TDRD12: variants seen among roughly 807,000 people sequenced by gnomAD.
TDRD12 encodes the protein tudor domain containing 12, also known as putative ATP-dependent RNA helicase TDRD12.
TDRD12 carries 158 observed loss-of-function variants against 133.5 expected under a neutral mutation model. The observed-to-expected ratio is 1.18, with a 90% CI of 1.04 to 1.35. The LOEUF is 1.35. Ranked by LOEUF, TDRD12 falls within the 40% of genes most tolerant of loss-of-function variation. The pLI, the probability that TDRD12 is intolerant of heterozygous loss-of-function variation, is 0.00. For synonymous variants in TDRD12, 460 were observed against 477.9 expected, an observed-to-expected ratio of 0.96 and a Z score of 0.49; for missense variants, 1,443 against 1,321.3, an observed-to-expected ratio of 1.09 and a Z score of -1.43.
chr19:32,777,225 G>A lies in TDRD12; in HGVS notation c.1117G>A (p.Val373Met), dbSNP rs1398520077. The change falls in exon 11 of 28, where the codon GTG (valine) becomes ATG (methionine). Residue 373 changes from valine (V) to methionine (M), a missense_variant. Physicochemically the swap from Val to Met is conservative, Grantham distance 21. Transcript: ENST00000444215. ...AGAATATGATGAGAAGAATAGCTGT[G>A]TGAAGTAAGAATTTTTTCCTTGGCC... 4 of 1,522,178 alleles carry A rather than the reference G, an allele frequency of 2.6e-6. No individual in the cohort carries two copies. The African/African-American group carries it at 5.6e-5, about 21-fold the overall frequency. The allele number at this position is 1,522,178 out of a possible 1,614,324, so 94.3% of individuals were successfully genotyped here. A position where few individuals can be genotyped will look rare whatever the true frequency, so the allele number is the denominator to read the frequency against.
chr19:32,729,492 C>CA (rs1968972668), intron 1 of TDRD12, among the ~76,000 whole-genome samples: 1 of 151,786 alleles, frequency 6.6e-6, no homozygotes, highest in South Asian at 2.1e-4. Context: ...GCTGGGATTA[C>CA]AGGCATGAGC....
At chr19:32,817,863 A>G (rs1243302643) in intron 26 of TDRD12, among the ~76,000 whole-genome samples, 1 of 148,356 alleles carries the variant, frequency 6.7e-6, no homozygotes, top group African/African-American at 2.5e-5. Context: ...CTGCTTTTGA[A>G]CATCCTAATT....
At chr19:32,807,720 C>A in intron 22 of TDRD12, 72 bp downstream of exon 22, 3 of 1,152,160 alleles carry the variant, frequency 2.6e-6, no homozygotes, top group South Asian at 1.5e-5. Flanking sequence ...ATTTGTTAAG[C>A]AGGATCTTAG....
At chr19:32,731,203 A>AT (rs954569927) in intron 1 of TDRD12, among the ~76,000 whole-genome samples, 32 of 151,836 alleles carry the variant, frequency 2.1e-4, no homozygotes, top group South Asian at 4.2e-4. Context: ...TGCCATTATT[A>AT]TTTTTTTTAT....
intron 11 of TDRD12, among the ~76,000 whole-genome samples, chr19:32,780,482 C>G (rs528997366): frequency 2.0e-5 from 3 of 152,330 alleles, no homozygotes; most frequent in Non-Finnish European, 4.4e-5. Context: ...ACACAAACTG[C>G]TGAGTCCAGG....
chr19:32,742,035 A>G (rs558743953), intron 3 of TDRD12, among the ~76,000 whole-genome samples: 3 of 152,344 alleles, frequency 2.0e-5, no homozygotes, highest in African/African-American at 7.2e-5. Context: ...GTTCATTTAC[A>G]GAAACTTTTA....
At chr19:32,734,448 G>A (rs1969163346) in intron 2 of TDRD12, among the ~76,000 whole-genome samples, 1 of 150,800 alleles carries the variant, frequency 6.6e-6, no homozygotes, top group Non-Finnish European at 1.5e-5. Flanking sequence ...TCGGCTCACT[G>A]CAACCTCCGC....
chr19:32,748,602 G>A, intron 5 of TDRD12, 71 bp downstream of exon 5: 1 of 1,477,248 alleles, frequency 6.8e-7, no homozygotes, highest in Non-Finnish European at 9.1e-7. Flanking sequence ...TCTGCTGCTG[G>A]CGGGGGTTGG....
rs1247207175 is a variant in TDRD12 at position 32,808,631 on chromosome 19, C to T, written c.2652+983C>T. Among the ~76,000 whole-genome samples the T allele has an allele frequency of 2.0e-5, 3 of 152,226 alleles. No homozygotes were observed. The East Asian group carries it at 5.8e-4, about 29-fold the overall frequency. On this transcript the variant is annotated intron_variant, in intron 22 of 27. Coordinates refer to ENST00000444215, the Ensembl canonical transcript of TDRD12. Reference sequence around the variant, plus strand: ...CCCTGTTTTCAAGTCAGGTCAAAGTCACAGTGAGCTTGGGGGTTAGGACAT... The same window carrying T: ...CCCTGTTTTCAAGTCAGGTCAAAGTTACAGTGAGCTTGGGGGTTAGGACAT...
At chr19:32,818,766 G>T (rs1355150782) in intron 27 of TDRD12, among the ~76,000 whole-genome samples, 1 of 152,138 alleles carries the variant, frequency 6.6e-6, no homozygotes, top group Non-Finnish European at 1.5e-5. Context: ...GTGGAGGGAA[G>T]CCTGGAGAGG....
rs1293141498 is a variant in TDRD12 at position 32,800,588 on chromosome 19, G to A, written c.1951-56G>A. 4.1e-6 allele frequency: 6 copies of A among 1,446,010 alleles called. No homozygotes were observed. In the East Asian group the frequency reaches 1.3e-4, roughly 31 times the overall value. The allele number at this position is 1,446,010 out of a possible 1,614,324, so 89.6% of individuals were successfully genotyped here. A position where few individuals can be genotyped will look rare whatever the true frequency, so the allele number is the denominator to read the frequency against. On this transcript the variant is annotated intron_variant, in intron 17 of 27. Coordinates refer to ENST00000444215, the Ensembl canonical transcript of TDRD12. ...AAAATCCCAACACCTGTGGAAAGTG[G>A]ATCTGGAGCACCTAAAATATTAAAA...
At chr19:32,811,465 A>G in intron 24 of TDRD12, 45 bp downstream of exon 24, 1 of 1,476,796 alleles carries the variant, frequency 6.8e-7, no homozygotes, top group Non-Finnish European at 9.1e-7. Flanking sequence ...TTTAGAATAT[A>G]TTTAACCGAG....
At chr19:32,752,046 A>C (rs1455031967) in intron 6 of TDRD12, among the ~76,000 whole-genome samples, 2 of 149,770 alleles carry the variant, frequency 1.3e-5, no homozygotes, top group Non-Finnish European at 3.0e-5. Context: ...GCTAATTTTT[A>C]TATGTTAAGT....
At chr19:32,746,708 G>T (rs1250153637) in intron 4 of TDRD12, among the ~76,000 whole-genome samples, 5 of 148,054 alleles carry the variant, frequency 3.4e-5, no homozygotes, top group African/African-American at 1.0e-4. Flanking sequence ...GTGACAGAGA[G>T]GGGGAGAGAG....
At chr19:32,817,553 GC>G (rs1220958214) in intron 26 of TDRD12, among the ~76,000 whole-genome samples, 1 of 151,976 alleles carries the variant, frequency 6.6e-6, no homozygotes, top group Admixed American at 6.6e-5. Flanking sequence ...TGGTGAGTGT[GC>G]TCCTGTGTAT....
At chr19:32,823,655 C>CG (rs1032397844), downstream of TDRD12, among the ~76,000 whole-genome samples, 2 of 152,054 alleles carry the variant, frequency 1.3e-5, no homozygotes, top group South Asian at 2.1e-4. Flanking sequence ...TTGGCCACAG[C>CG]GGGGGGCAGC....
At chr19:32,803,791 A>G (rs762070380) in intron 21 of TDRD12, among the ~76,000 whole-genome samples, 24 of 152,252 alleles carry the variant, frequency 1.6e-4, no homozygotes, top group South Asian at 1.2e-3. Flanking sequence ...TGATGTTAAT[A>G]TGCATTTCCC....
chr19:32,739,423 A>C (rs1433692440), intron 3 of TDRD12, among the ~76,000 whole-genome samples: 1 of 117,976 alleles, frequency 8.5e-6, no homozygotes, highest in African/African-American at 3.4e-5. Context: ...TCTCTCTATC[A>C]CCTGGCTACT....
At chr19:32,731,767 A>C in exon 2 of TDRD12, 1 of 1,550,850 alleles carries the variant, frequency 6.4e-7, no homozygotes, top group Non-Finnish European at 8.7e-7. Context: ...AAAAGGGTGT[A>C]GTCCCTTTTT....
Sources: allele counts gnomAD v4.1 joint callset (sites outside exome capture counted in the v4.1 genomes callset), GRCh38; gene constraint gnomAD v4.1.1; transcripts MANE v1.5; gene names NCBI Gene and HGNC (gene_info 2026-07-23, HGNC 2026-07-21).